Variants in FAM135B observed in about 807,000 individuals in gnomAD.
The protein encoded by FAM135B is family with sequence similarity 135 member B.
In FAM135B, 43 loss-of-function variants were observed where a neutral mutation model predicts 127.7. The observed-to-expected ratio is 0.34, with a 90% CI of 0.26 to 0.43. The LOEUF (loss-of-function observed/expected upper bound fraction) is 0.43, where lower values mean the gene tolerates loss of function less well. Ranked by LOEUF, FAM135B falls within the 20% of genes least tolerant of loss-of-function variation. The pLI, the probability that FAM135B is intolerant of heterozygous loss-of-function variation, is 1.00. For synonymous variants in FAM135B, 670 were observed against 665.1 expected (o/e 1.01, Z -0.11); for missense variants, 1,558 against 1,725.6 (o/e 0.90, Z 1.72).
chr8:138,256,825 G>T (rs1339826689), intron 4 of FAM135B, 66 bp from the exon 5 acceptor site: 3 of 1,220,648 alleles, frequency 2.5e-6, no homozygotes, highest in Admixed American at 3.6e-5. Context: ...ATACTTAGCT[G>T]GTCTACTTCC....
intron 2 of FAM135B, among the ~76,000 whole-genome samples, chr8:138,322,945 C>A (rs1587089026): frequency 6.6e-6 from 1 of 152,226 alleles, no homozygotes; most frequent in South Asian, 2.1e-4. Context: ...AAACAAAAAA[C>A]CTATGAAATG....
Position 138,308,088 on chromosome 8 carries a change from T to C in FAM135B, c.157+2753A>G, listed in dbSNP as rs953458305. On this transcript the variant is annotated intron_variant, in intron 3 of 19. Coordinates refer to ENST00000395297, the MANE Select transcript of FAM135B (RefSeq NM_015912.4). ...GTCACCTGCCCTGAACAATGAACTG[T>C]GGAGGAAGCAACCCTGGGCCAGTCT... 2.0e-5 allele frequency among the ~76,000 whole-genome samples: 3 copies of C among 152,242 alleles called. No homozygotes were observed. The East Asian group carries it at 5.8e-4, about 30-fold the overall frequency.
rs2130486813 is a variant in FAM135B at position 138,250,939 on chromosome 8, C to T, written c.444G>A (p.Leu148=). 6.2e-7 allele frequency: 1 copy of T among 1,613,862 alleles called. No individual in the cohort carries two copies. Among genetic ancestry groups the T allele is most frequent in the Non-Finnish European group, 8.5e-7 (1 of 1,179,968 alleles). The change falls in exon 6 of 20, where the codon CTG becomes CTA. Residue 148 remains leucine (L), a synonymous_variant. Transcript: ENST00000395297. The part of the protein sequence containing the change: ...LGLHFHPRNG[L]HHQVPVMFDY... The stretch of plus-strand genomic sequence containing the variant: ...CGAACATGACCGGGACCTGGTGGTG[C>T]AGACCATTCCGGGGGTGGAAGTGCA...
chr8:138,329,670 G>A (rs1003515757), intron 2 of FAM135B, among the ~76,000 whole-genome samples: 3 of 152,062 alleles, frequency 2.0e-5, no homozygotes, highest in Non-Finnish European at 4.4e-5. Context: ...AGGATTCTGC[G>A]GTTAGACAGA....
chr8:138,482,649 A>C (rs1289476810), intron 1 of FAM135B, among the ~76,000 whole-genome samples: 2 of 151,978 alleles, frequency 1.3e-5, no homozygotes, highest in African/African-American at 4.8e-5. Context: ...TTCATATGTT[A>C]ACTCATTTAA....
intron 9 of FAM135B, among the ~76,000 whole-genome samples, chr8:138,183,939 C>T (rs1815317984): frequency 6.6e-6 from 1 of 152,188 alleles, no homozygotes; most frequent in Non-Finnish European, 1.5e-5. Flanking sequence ...GAACTCAGTC[C>T]CTTCTATGCA....
intron 1 of FAM135B, among the ~76,000 whole-genome samples, chr8:138,372,215 C>CCTGCCCTTGGTA (rs1196203821): frequency 6.6e-6 from 1 of 152,234 alleles, no homozygotes; most frequent in Non-Finnish European, 1.5e-5. Flanking sequence ...AGTCGGCACA[C>CCTGCCCTTGGTA]CTGCCCTTGG....
chr8:138,363,241 T>C (rs924046633), intron 2 of FAM135B, among the ~76,000 whole-genome samples: 3 of 152,196 alleles, frequency 2.0e-5, no homozygotes, highest in East Asian at 1.9e-4. Flanking sequence ...GTACTTGTAG[T>C]AGTGAAAATT....
chr8:138,325,593 T>A (rs748167570), intron 2 of FAM135B, among the ~76,000 whole-genome samples: 1 of 152,174 alleles, frequency 6.6e-6, no homozygotes, highest in African/African-American at 2.4e-5. Flanking sequence ...AGAATCCTCA[T>A]TGAATAAAGC....
At chr8:138,478,803 T>A (rs948840772) in intron 1 of FAM135B, among the ~76,000 whole-genome samples, 2 of 152,214 alleles carry the variant, frequency 1.3e-5, no homozygotes, top group Admixed American at 1.3e-4. Context: ...ACAAACCATT[T>A]TTCAATACAC....
intron 9 of FAM135B, among the ~76,000 whole-genome samples, chr8:138,192,538 G>A (rs982098231): frequency 1.2e-4 from 19 of 152,092 alleles, no homozygotes; most frequent in African/African-American, 3.6e-4. Flanking sequence ...ATCAGTGCTC[G>A]AGATATTTGC....
intron 2 of FAM135B, among the ~76,000 whole-genome samples, chr8:138,348,169 T>C (rs1829543223): frequency 7.8e-6 from 1 of 127,554 alleles, no homozygotes; most frequent in Non-Finnish European, 1.6e-5. Flanking sequence ...AATTTCACTC[T>C]TGTTGCCCAG....
intron 9 of FAM135B, among the ~76,000 whole-genome samples, chr8:138,186,898 T>C (rs1231316800): frequency 2.6e-5 from 4 of 152,198 alleles, no homozygotes; most frequent in Non-Finnish European, 2.9e-5. Flanking sequence ...TGGCCTTGTG[T>C]TTAGGCCCTG....
At chr8:138,204,426 G>T (rs944551302) in intron 7 of FAM135B, among the ~76,000 whole-genome samples, 1 of 152,036 alleles carries the variant, frequency 6.6e-6, no homozygotes, top group Non-Finnish European at 1.5e-5. Context: ...TTACTTTTTA[G>T]TTTTATTTTT....
At chr8:138,221,279 C>A (rs1383892588) in intron 7 of FAM135B, among the ~76,000 whole-genome samples, 1 of 152,056 alleles carries the variant, frequency 6.6e-6, no homozygotes, top group Non-Finnish European at 1.5e-5. Flanking sequence ...TCTTAGATGG[C>A]AGGAGTAGGA....
chr8:138,197,075 ATGTGTGTG>A (rs6150843), intron 8 of FAM135B, among the ~76,000 whole-genome samples: 2,401 of 132,440 alleles, frequency 0.018, 29 homozygotes, highest in African/African-American at 0.033. Flanking sequence ...ATGTATGCAT[ATGTGTGTG>A]TGTGTGTGTG....
intron 1 of FAM135B, among the ~76,000 whole-genome samples, chr8:138,484,057 A>T (rs1316167014): frequency 6.6e-6 from 1 of 152,186 alleles, no homozygotes. Context: ...ATGAACACCT[A>T]ATATTTTGAC....
At chr8:138,275,570 C>T (rs1254100781) in intron 3 of FAM135B, among the ~76,000 whole-genome samples, 1 of 151,918 alleles carries the variant, frequency 6.6e-6, no homozygotes, top group African/African-American at 2.4e-5. Flanking sequence ...TGGTGTGTGC[C>T]TATAATCCTA....
chr8:138,264,685 G>C (rs191315416), intron 4 of FAM135B, among the ~76,000 whole-genome samples: 1 of 152,262 alleles, frequency 6.6e-6, no homozygotes, highest in Admixed American at 6.5e-5. Flanking sequence ...ATTTTTGAAA[G>C]AATAGATAGG....
Sources: allele counts gnomAD v4.1 joint callset (sites outside exome capture counted in the v4.1 genomes callset), GRCh38; gene constraint gnomAD v4.1.1; transcripts MANE v1.5; gene names NCBI Gene and HGNC (gene_info 2026-07-23, HGNC 2026-07-21).